SLC24A2: variants seen among roughly 807,000 people sequenced by gnomAD.
SLC24A2 encodes the protein sodium/potassium/calcium exchanger 2.
A neutral mutation model predicts 62.0 loss-of-function variants in SLC24A2; 36 were observed. The observed-to-expected ratio is 0.58, with a 90% CI of 0.44 to 0.77. SLC24A2 has a LOEUF of 0.77. SLC24A2 is among the 30% of genes least tolerant of loss of function. The pLI is 0.00. For missense variants in SLC24A2, 846 were observed against 817.9 expected (o/e 1.03, Z -0.42); for synonymous variants, 358 against 294.0 (o/e 1.22, Z -2.23).
the SLC24A2 span, among the ~76,000 whole-genome samples, chr9:20,040,526 T>C: frequency 6.6e-6 from 1 of 152,204 alleles, no homozygotes; most frequent in South Asian, 2.1e-4. Flanking sequence ...CACCCATTTC[T>C]TTTCAACCCC....
At chr9:19,865,752 G>C in the SLC24A2 span, among the ~76,000 whole-genome samples, 1 of 152,058 alleles carries the variant, frequency 6.6e-6, no homozygotes, top group African/African-American at 2.4e-5. Context: ...CTAGTACAGG[G>C]AAACATTGGG....
At chr9:20,067,228 A>G in the SLC24A2 span, among the ~76,000 whole-genome samples, 1 of 152,220 alleles carries the variant, frequency 6.6e-6, no homozygotes, top group Non-Finnish European at 1.5e-5. Context: ...AAAGGGTTTC[A>G]GAGAACTATT....
the SLC24A2 span, among the ~76,000 whole-genome samples, chr9:19,873,631 T>G: frequency 6.6e-6 from 1 of 151,932 alleles, no homozygotes; most frequent in Non-Finnish European, 1.5e-5. Flanking sequence ...CTTCTTTCTC[T>G]AGAGACAGGG....
intron 2 of SLC24A2, among the ~76,000 whole-genome samples, chr9:19,728,934 C>T (rs924417314): frequency 6.6e-6 from 1 of 152,104 alleles, no homozygotes; most frequent in African/African-American, 2.4e-5. Flanking sequence ...AAAATAATTG[C>T]CTGCCATGAA....
chr9:20,255,214 T>C, the SLC24A2 span, among the ~76,000 whole-genome samples: 2 of 152,160 alleles, frequency 1.3e-5, no homozygotes, highest in Non-Finnish European at 2.9e-5. Context: ...AGATGACAAA[T>C]GGTTTCATTT....
chr9:20,233,828 T>C, the SLC24A2 span, among the ~76,000 whole-genome samples: 1 of 152,220 alleles, frequency 6.6e-6, no homozygotes, highest in Non-Finnish European at 1.5e-5. Flanking sequence ...GCCTTGATGG[T>C]CTTTACAATT....
At chr9:19,517,947 ACACACACACACT>A (rs1172003723) in intron 10 of SLC24A2, among the ~76,000 whole-genome samples, 9 of 149,690 alleles carry the variant, frequency 6.0e-5, no homozygotes, top group East Asian at 2.0e-4. Context: ...ACACACACAC[ACACACACACACT>A]CTCACACTTC....
At chr9:19,801,952 G>T in the SLC24A2 span, among the ~76,000 whole-genome samples, 35 of 152,292 alleles carry the variant, frequency 2.3e-4, no homozygotes, top group East Asian at 3.1e-3. Context: ...ATAAGGAGAG[G>T]CCCATGTAGA....
At chr9:20,302,338 G>A in the SLC24A2 span, among the ~76,000 whole-genome samples, 2 of 152,216 alleles carry the variant, frequency 1.3e-5, no homozygotes, top group Admixed American at 6.5e-5. Context: ...GTTATATTTT[G>A]CACCCACACC....
chr9:20,042,329 C>G, the SLC24A2 span, among the ~76,000 whole-genome samples: 4 of 152,274 alleles, frequency 2.6e-5, no homozygotes, highest in African/African-American at 4.8e-5. Flanking sequence ...AGTGTACACC[C>G]CTGAGGAACT....
At chr9:19,932,200 A>T in the SLC24A2 span, among the ~76,000 whole-genome samples, 1 of 152,226 alleles carries the variant, frequency 6.6e-6, no homozygotes, top group African/African-American at 2.4e-5. Flanking sequence ...TTGTAAGAAA[A>T]ATATTTTTGT....
the SLC24A2 span, among the ~76,000 whole-genome samples, chr9:19,898,215 G>A: frequency 1.3e-3 from 194 of 152,286 alleles, 11 homozygotes; most frequent in South Asian, 0.039. Context: ...GCTTGTGGAA[G>A]GGTCTGTGGA....
At chr9:20,193,578 A>G in the SLC24A2 span, among the ~76,000 whole-genome samples, 14 of 152,030 alleles carry the variant, frequency 9.2e-5, no homozygotes, top group Non-Finnish European at 4.4e-5. Context: ...ATCTTTTAAT[A>G]TATAAGCAAA....
At chr9:20,051,108 A>T in the SLC24A2 span, among the ~76,000 whole-genome samples, 1 of 152,176 alleles carries the variant, frequency 6.6e-6, no homozygotes, top group Non-Finnish European at 1.5e-5. Flanking sequence ...AGATAAAAAC[A>T]CAAGATTCAA....
rs568073988 is a variant in SLC24A2 at position 19,635,423 on chromosome 9, G to A, written c.931-13124C>T. Among the ~76,000 whole-genome samples, 5 of 152,250 alleles carry A rather than the reference G, an allele frequency of 3.3e-5. No homozygotes were observed. In the South Asian group the frequency reaches 1.0e-3, roughly 32 times the overall value. ...ATAGTACAAGCTTATTGCCCAGAGAGGATCTTAAATGCTGTTAATAATCAT... is the reference window on the plus strand; with the variant it reads ...ATAGTACAAGCTTATTGCCCAGAGAAGATCTTAAATGCTGTTAATAATCAT... On this transcript the variant is annotated intron_variant, in intron 2 of 10. Transcript: ENST00000341998.
the SLC24A2 span, among the ~76,000 whole-genome samples, chr9:20,133,619 C>G: frequency 2.0e-5 from 3 of 152,088 alleles, no homozygotes; most frequent in East Asian, 5.8e-4. Flanking sequence ...GATAATTATT[C>G]TAATCTATCT....
rs547498861 is a variant in SLC24A2 at position 19,703,908 on chromosome 9, T to C, written c.931-81609A>G. On this transcript the variant is annotated intron_variant, in intron 2 of 10. Coordinates refer to ENST00000341998, the MANE Select transcript of SLC24A2 (RefSeq NM_020344.4). ...TCAAAATATGTATGACTCAGCAAACTATCTACAGGACTTTTTCTCCTAAGG... is the reference window on the plus strand; with the variant it reads ...TCAAAATATGTATGACTCAGCAAACCATCTACAGGACTTTTTCTCCTAAGG... 4.0e-4 allele frequency among the ~76,000 whole-genome samples: 61 copies of C among 152,356 alleles called. 1 individual carries two copies. The highest frequency in any genetic ancestry group is 1.4e-3 in the African/African-American group (58 of 41,582).
At chr9:19,801,786 G>A in the SLC24A2 span, among the ~76,000 whole-genome samples, 10 of 152,250 alleles carry the variant, frequency 6.6e-5, no homozygotes, top group South Asian at 2.1e-4. Context: ...TTTTTAGTCC[G>A]CCTAGGAAAT....
At chr9:20,241,603 A>G in the SLC24A2 span, among the ~76,000 whole-genome samples, 9 of 152,198 alleles carry the variant, frequency 5.9e-5, no homozygotes, top group Admixed American at 2.0e-4. Context: ...CAAAGGATGC[A>G]AGGATGATTA....
Sources: gnomAD v4.1 joint callset for allele counts (sites outside exome capture counted in the v4.1 genomes callset) on GRCh38, gnomAD v4.1.1 for gene constraint, MANE v1.5 for transcripts, NCBI Gene and HGNC (gene_info 2026-07-23, HGNC 2026-07-21) for gene names.